Variants in SLC25A12 observed in about 807,000 individuals in gnomAD.
SLC25A12 encodes electrogenic aspartate/glutamate antiporter SLC25A12, mitochondrial.
A neutral mutation model predicts 83.3 loss-of-function variants in SLC25A12; 32 were observed. The ratio of observed to expected loss-of-function variants is 0.38; its 90% CI spans 0.29 to 0.52. The LOEUF (loss-of-function observed/expected upper bound fraction) is 0.52, where lower values mean the gene tolerates loss of function less well. Among genes scored for constraint, SLC25A12 ranks in the 20% least tolerant of loss-of-function variants. SLC25A12 has a pLI of 0.84. For missense variants in SLC25A12, 611 were observed against 835.6 expected (o/e 0.73, Z 3.31); for synonymous variants, 267 against 291.1 (o/e 0.92, Z 0.84).
At chr2:171,810,586 G>A (rs1400560430) in intron 11 of SLC25A12, among the ~76,000 whole-genome samples, 1 of 152,126 alleles carries the variant, frequency 6.6e-6, no homozygotes, top group Non-Finnish European at 1.5e-5. Context: ...TCTATTCTGG[G>A]AACACTGCCA....
rs577191763 is a variant in SLC25A12 at position 171,786,639 on chromosome 2, A to G, written c.1835+932T>C. On this transcript the variant is annotated intron_variant, in intron 17 of 17. Transcript: ENST00000422440. Reference sequence around the variant, plus strand: ...TACTTGGTCTTCTGCTGAAAAGCTAATAATTGCTTGCTTTGGGTACAACTT... The same window carrying G: ...TACTTGGTCTTCTGCTGAAAAGCTAGTAATTGCTTGCTTTGGGTACAACTT... Among the ~76,000 whole-genome samples the G allele has an allele frequency of 2.0e-5, 3 of 152,260 alleles. No individual in the cohort carries two copies. In the South Asian group the frequency reaches 6.2e-4, roughly 32 times the overall value.
chr2:171,805,862 A>G (rs1294467487), intron 13 of SLC25A12, among the ~76,000 whole-genome samples: 1 of 152,204 alleles, frequency 6.6e-6, no homozygotes, highest in Non-Finnish European at 1.5e-5. Flanking sequence ...TGTAATCCCA[A>G]AACTAGGAGG....
intron 4 of SLC25A12, among the ~76,000 whole-genome samples, chr2:171,852,216 C>A (rs1384125588): frequency 3.9e-5 from 6 of 152,210 alleles, no homozygotes; most frequent in Non-Finnish European, 8.8e-5. Context: ...TCTAAGTCCT[C>A]TCCCCAGAGC....
intron 8 of SLC25A12, among the ~76,000 whole-genome samples, chr2:171,832,408 C>G (rs576563886): frequency 2.7e-4 from 41 of 152,302 alleles, no homozygotes; most frequent in African/African-American, 7.7e-4. Flanking sequence ...AAACAACAAA[C>G]TAACCCATAT....
chr2:171,819,197 T>C (rs1043823861), intron 9 of SLC25A12, among the ~76,000 whole-genome samples: 1 of 135,054 alleles, frequency 7.4e-6, no homozygotes, highest in African/African-American at 2.8e-5. Context: ...ACGTATTATA[T>C]ATTAATATAT....
intron 2 of SLC25A12, among the ~76,000 whole-genome samples, chr2:171,876,393 C>T (rs1348638638): frequency 6.6e-6 from 1 of 152,100 alleles, no homozygotes; most frequent in Non-Finnish European, 1.5e-5. Flanking sequence ...ACAACACAAC[C>T]AAAGAGGGAG....
intron 13 of SLC25A12, among the ~76,000 whole-genome samples, chr2:171,807,767 T>C (rs1476978778): frequency 6.6e-6 from 1 of 152,258 alleles, no homozygotes; most frequent in East Asian, 1.9e-4. Context: ...TTATTCTATG[T>C]CCACTGTTAA....
intron 13 of SLC25A12, among the ~76,000 whole-genome samples, chr2:171,802,964 AGT>A (rs3058855): frequency 3.5e-4 from 53 of 150,044 alleles, no homozygotes; most frequent in South Asian, 6.3e-4. Flanking sequence ...GGTTTTAAAA[AGT>A]GTGTGTGTGT....
chr2:171,821,261 C>G (rs1684186570), intron 9 of SLC25A12, among the ~76,000 whole-genome samples: 1 of 151,954 alleles, frequency 6.6e-6, no homozygotes, highest in Admixed American at 6.6e-5. Context: ...AAGTGATCCA[C>G]CCACCTCAGC....
At chr2:171,826,971 A>C (rs17615262) in intron 8 of SLC25A12, 89 bp from the exon 9 acceptor site, 193,941 of 756,104 alleles carry the variant, frequency 0.26, 28,231 homozygotes, top group East Asian at 0.56. Context: ...AACAAAAAAC[A>C]GTGAACTATA....
At chr2:171,868,311 A>ATTTTTTTTTTTTTTTTTTTTTTTAT (rs71013084) in intron 3 of SLC25A12, among the ~76,000 whole-genome samples, 1 of 129,520 alleles carries the variant, frequency 7.7e-6, no homozygotes, top group African/African-American at 2.9e-5. Flanking sequence ...GGGTTTTTTA[A>ATTTTTTTTTTTTTTTTTTTTTTTAT]TTTTTTTTTT....
At chr2:171,833,151 T>C (rs1684479007) in intron 8 of SLC25A12, among the ~76,000 whole-genome samples, 1 of 152,132 alleles carries the variant, frequency 6.6e-6, no homozygotes, top group Admixed American at 6.6e-5. Flanking sequence ...CAGTTCCAGA[T>C]GATGATGCCT....
chr2:171,803,843 A>T (rs1250046073), intron 13 of SLC25A12, among the ~76,000 whole-genome samples: 8 of 152,010 alleles, frequency 5.3e-5, no homozygotes, highest in Non-Finnish European at 8.8e-5. Flanking sequence ...GCGCGCACAC[A>T]CATACTAGCA....
chr2:171,882,534 G>C (rs1431146605), intron 2 of SLC25A12, among the ~76,000 whole-genome samples: 1 of 152,226 alleles, frequency 6.6e-6, no homozygotes, highest in Admixed American at 6.5e-5. Context: ...CCAAAACTAA[G>C]AGATGAAAGG....
intron 4 of SLC25A12, among the ~76,000 whole-genome samples, chr2:171,851,523 T>C (rs1479017647): frequency 2.0e-5 from 3 of 150,400 alleles, no homozygotes; most frequent in Non-Finnish European, 4.4e-5. Context: ...ATTAAATCTT[T>C]AGTAAGGCAA....
intron 6 of SLC25A12, 63 bp from the exon 7 acceptor site, chr2:171,834,928 CTG>C: frequency 2.0e-6 from 3 of 1,536,790 alleles, no homozygotes; most frequent in Non-Finnish European, 2.7e-6. Context: ...TTTATGGACA[CTG>C]TACTTTTCTC....
At chr2:171,856,079 G>A (rs2105906007) in intron 3 of SLC25A12, 130 bp from the exon 4 acceptor site, 1 of 681,504 alleles carries the variant, frequency 1.5e-6, no homozygotes, top group African/African-American at 1.8e-5. Context: ...TGTTTTTATA[G>A]AGGTACTTCA....
intron 13 of SLC25A12, among the ~76,000 whole-genome samples, chr2:171,794,560 A>G (rs2105841052): frequency 6.6e-6 from 1 of 151,242 alleles, no homozygotes; most frequent in East Asian, 1.9e-4. Flanking sequence ...ATGAGAGTAT[A>G]TTTGCATCTG....
At chr2:171,878,319 G>A (rs1685614641) in intron 2 of SLC25A12, among the ~76,000 whole-genome samples, 1 of 152,180 alleles carries the variant, frequency 6.6e-6, no homozygotes, top group Non-Finnish European at 1.5e-5. Context: ...CAGAAAAATT[G>A]CTGTCCTATT....
Sources: allele counts gnomAD v4.1 joint callset (sites outside exome capture counted in the v4.1 genomes callset), GRCh38; gene constraint gnomAD v4.1.1; transcripts MANE v1.5; gene names NCBI Gene and HGNC (gene_info 2026-07-23, HGNC 2026-07-21).